Variants in NPTN observed in about 807,000 individuals in gnomAD.
NPTN encodes the protein SDR-1.
A neutral mutation model predicts 42.7 loss-of-function variants in NPTN; 5 were observed. The observed-to-expected ratio is 0.12, with a 90% CI of 0.06 to 0.25. The LOEUF (loss-of-function observed/expected upper bound fraction) is 0.25, where lower values mean the gene tolerates loss of function less well. Among genes scored for constraint, NPTN ranks in the 10% least tolerant of loss-of-function variants. NPTN has a pLI of 1.00. For missense variants in NPTN, 307 were observed against 525.4 expected (o/e 0.58, Z 4.06); for synonymous variants, 180 against 201.9 (o/e 0.89, Z 0.92).
At chr15:73,622,232 G>A (rs746952126) in intron 1 of NPTN, among the ~76,000 whole-genome samples, 1 of 152,072 alleles carries the variant, frequency 6.6e-6, no homozygotes, top group Non-Finnish European at 1.5e-5. Flanking sequence ...TCCACTTTCT[G>A]ACTCTCTAAA....
chr15:73,569,503 A>G lies in NPTN; in HGVS notation c.1114+647T>C. On this transcript the variant is annotated intron_variant, in intron 6 of 8. Transcript: ENST00000345330. The surrounding 1 kb of genome is among the most constrained non-coding windows in gnomAD (Gnocchi z 4.1). ...TCCGCCTTTGCTATCTCTGTCTTAC[A>G]CTAGATGGGTGGATACATCAGACTC... 3.0e-6 allele frequency: 3 copies of G among 985,400 alleles called. No individual in the cohort carries two copies. Among genetic ancestry groups the G allele is most frequent in the Non-Finnish European group, 3.6e-6 (3 of 829,912 alleles). 61.0% of individuals were successfully genotyped at this position (985,400 alleles called of 1,614,324 possible). A position where few individuals can be genotyped will look rare whatever the true frequency, so the allele number is the denominator to read the frequency against.
At chr15:73,592,844 G>A (rs1337872679) in intron 2 of NPTN, among the ~76,000 whole-genome samples, 1 of 152,122 alleles carries the variant, frequency 6.6e-6, no homozygotes, top group Non-Finnish European at 1.5e-5. Context: ...AATATAACTA[G>A]AGTGCAATAT....
intron 1 of NPTN, among the ~76,000 whole-genome samples, chr15:73,624,101 C>G (rs1331195509): frequency 6.6e-6 from 1 of 152,204 alleles, no homozygotes; most frequent in Non-Finnish European, 1.5e-5. Flanking sequence ...AGGCTTTTCT[C>G]CTAAATCTTA....
chr15:73,573,517 C>T, intron 5 of NPTN, 145 bp downstream of exon 5: 13 of 868,254 alleles, frequency 1.5e-5, no homozygotes, highest in Non-Finnish European at 2.2e-5. Flanking sequence ...CCTCTTGATT[C>T]ATGCTGTAAA....
chr15:73,580,553 T>C (rs1895981265), intron 4 of NPTN, among the ~76,000 whole-genome samples: 1 of 142,624 alleles, frequency 7.0e-6, no homozygotes, highest in Non-Finnish European at 1.5e-5. Flanking sequence ...TATATATGTA[T>C]ATATGTATAT....
intron 6 of NPTN, among the ~76,000 whole-genome samples, chr15:73,564,721 T>C (rs1360806080): frequency 6.6e-6 from 1 of 151,990 alleles, no homozygotes; most frequent in African/African-American, 2.4e-5. Context: ...CCTCACAACA[T>C]CCTAATGCTC....
chr15:73,597,006 A>G lies in NPTN; in HGVS notation c.439+16T>C, dbSNP rs766995269. The G allele has an allele frequency of 4.4e-6, 7 of 1,604,312 alleles. No individual in the cohort carries two copies. In the Admixed American group the frequency reaches 1.2e-4, roughly 27 times the overall value. On this transcript the variant is annotated intron_variant, in intron 2 of 8. Transcript: ENST00000345330. The surrounding 1 kb of genome is among the most constrained non-coding windows in gnomAD (Gnocchi z 6.3). ...CTAATGACTACAGTACTACTACTGT[A>G]GGGTGCTGGACTCACTCTGAAGGAC...
chr15:73,602,574 G>A (rs532766616), intron 1 of NPTN, among the ~76,000 whole-genome samples: 1 of 152,334 alleles, frequency 6.6e-6, no homozygotes, highest in South Asian at 2.1e-4. Flanking sequence ...AACTACTGTA[G>A]AGCCTGCCTA....
At chr15:73,562,890 T>C (rs1290169065) in intron 7 of NPTN, among the ~76,000 whole-genome samples, 1 of 152,130 alleles carries the variant, frequency 6.6e-6, no homozygotes, top group Non-Finnish European at 1.5e-5. Flanking sequence ...TCATCTGAAA[T>C]GCTTGGGATC....
chr15:73,580,602 A>G (rs1422402899), intron 4 of NPTN, among the ~76,000 whole-genome samples: 1 of 145,030 alleles, frequency 6.9e-6, no homozygotes, highest in Admixed American at 7.0e-5. Context: ...ATATGTATAT[A>G]TGTATATACA....
chr15:73,617,220 C>T (rs1235345662), intron 1 of NPTN, among the ~76,000 whole-genome samples: 2 of 152,144 alleles, frequency 1.3e-5, no homozygotes, highest in Admixed American at 1.3e-4. Flanking sequence ...GGATACACAA[C>T]AAACTACTAA....
chr15:73,590,150 G>A (rs1385726132), intron 3 of NPTN, among the ~76,000 whole-genome samples: 3 of 151,998 alleles, frequency 2.0e-5, no homozygotes, highest in Non-Finnish European at 4.4e-5. Context: ...CTATTAGGAA[G>A]AAATTAAAGC....
intron 4 of NPTN, among the ~76,000 whole-genome samples, chr15:73,575,433 A>G (rs563214308): frequency 7.2e-5 from 11 of 152,384 alleles, no homozygotes; most frequent in African/African-American, 2.4e-4. Flanking sequence ...CAGTAATCTG[A>G]GAGCAATAAA....
intron 3 of NPTN, among the ~76,000 whole-genome samples, chr15:73,589,559 T>C (rs904041219): frequency 6.6e-6 from 1 of 152,124 alleles, no homozygotes; most frequent in Non-Finnish European, 1.5e-5. Flanking sequence ...TAAATAGTTA[T>C]ATAGGGCTGA....
In NPTN at chr15:73,569,079, C is replaced by T. The variant is rs925254524; in HGVS notation, c.1114+1071G>A. On this transcript the variant is annotated intron_variant, in intron 6 of 8. Coordinates refer to ENST00000345330, the MANE Select transcript of NPTN (RefSeq NM_012428.4). This position sits in a 1 kb window ranked among gnomAD's most constrained non-coding sequence, Gnocchi z 4.1. ...CACAGGCCCCAGAACAGCTGGACTA[C>T]AGCTGGCAACCCCACCATCACCCCG... 3 of 985,790 alleles carry T rather than the reference C, an allele frequency of 3.0e-6. No individual in the cohort carries two copies. Among genetic ancestry groups the T allele is most frequent in the African/African-American group, 1.7e-5 (1 of 57,262 alleles). The allele number at this position is 985,790 out of a possible 1,614,324, so 61.1% of individuals were successfully genotyped here. A position where few individuals can be genotyped will look rare whatever the true frequency, so the allele number is the denominator to read the frequency against.
At chr15:73,621,212 T>C (rs1898125758) in intron 1 of NPTN, among the ~76,000 whole-genome samples, 1 of 152,146 alleles carries the variant, frequency 6.6e-6, no homozygotes, top group Non-Finnish European at 1.5e-5. Flanking sequence ...GTGAGCACAC[T>C]ACAAAGATTA....
intron 1 of NPTN, among the ~76,000 whole-genome samples, chr15:73,622,201 A>G (rs1338845790): frequency 6.6e-6 from 1 of 152,098 alleles, no homozygotes; most frequent in African/African-American, 2.4e-5. Flanking sequence ...TCACATCCCT[A>G]GTCTGTCTGC....
rs183593651 is a variant in NPTN, at chr15:73,581,067, G to A, written c.706+6457C>T. ...TCAGTCAGGGAAAGGAAAGGCTAAG[G>A]CTTCGACTCTGTCATTAGTTCTAAG... On this transcript the variant is annotated intron_variant, in intron 4 of 8. Coordinates refer to ENST00000345330, the MANE Select transcript of NPTN (RefSeq NM_012428.4). 7.1e-3 allele frequency among the ~76,000 whole-genome samples: 1,076 copies of A among 152,216 alleles called. 39 individuals are homozygous for A. Among genetic ancestry groups the A allele is most frequent in the Admixed American group, 0.061 (938 of 15,282 alleles).
intron 1 of NPTN, among the ~76,000 whole-genome samples, chr15:73,602,657 T>C (rs984042874): frequency 3.3e-5 from 5 of 152,202 alleles, no homozygotes; most frequent in Admixed American, 2.6e-4. Flanking sequence ...GAAGTCTATA[T>C]GCACTCATTC....
Sources: gnomAD v4.1 joint callset for allele counts (sites outside exome capture counted in the v4.1 genomes callset) on GRCh38, gnomAD v4.1.1 for gene constraint, Gnocchi (gnomAD v3.1) non-coding constraint, MANE v1.5 for transcripts, NCBI Gene and HGNC (gene_info 2026-07-23, HGNC 2026-07-21) for gene names.